HDAC4: variants seen among roughly 807,000 people sequenced by gnomAD.
HDAC4 encodes histone deacetylase A.
Under a neutral mutation model 135.1 loss-of-function variants are expected in HDAC4, and 16 were observed. The observed-to-expected ratio is 0.12, with a 90% CI of 0.08 to 0.18. The LOEUF is 0.18. Ranked by LOEUF, HDAC4 falls within the 10% of genes least tolerant of loss-of-function variation. The pLI, the probability that HDAC4 is intolerant of heterozygous loss-of-function variation, is 1.00. For missense variants in HDAC4, 1,143 were observed against 1,511.8 expected (o/e 0.76, Z 4.05); for synonymous variants, 685 against 653.4 (o/e 1.05, Z -0.74).
At chr2:239,239,256 G>T (rs1462801859) in intron 2 of HDAC4, among the ~76,000 whole-genome samples, 1 of 152,176 alleles carries the variant, frequency 6.6e-6, no homozygotes, top group East Asian at 1.9e-4. Flanking sequence ...CCCCTCTCAG[G>T]TTCTGTAATT....
chr2:239,074,226 C>A (rs758505903), intron 22 of HDAC4, among the ~76,000 whole-genome samples: 1 of 152,220 alleles, frequency 6.6e-6, no homozygotes, highest in Non-Finnish European at 1.5e-5. Context: ...CATTTCCAGC[C>A]ATGCTTTTGG....
chr2:239,376,750 A>G (rs1695039034), intron 1 of HDAC4, among the ~76,000 whole-genome samples: 2 of 151,786 alleles, frequency 1.3e-5, no homozygotes. Context: ...ACAGTGCTCA[A>G]CAGAACACGC....
chr2:239,307,975 TC>T lies in HDAC4; in HGVS notation c.22+44702del, dbSNP rs1005814987. ...AGCAACAGCCAGCAAAGTGTCCCCA[TC>T]CCCCCCAAAGTGAGCGGCCACACAG... On this transcript the variant is annotated intron_variant, in intron 2 of 26. Transcript: ENST00000543185. The surrounding 1 kb of genome is among the most constrained non-coding windows in gnomAD (Gnocchi z 4.8). Among the ~76,000 whole-genome samples, 4 of 151,212 alleles carry T rather than the reference TC, an allele frequency of 2.6e-5. No individual in the cohort carries two copies. Among genetic ancestry groups the T allele is most frequent in the Admixed American group, 2.0e-4 (3 of 15,220 alleles).
intron 2 of HDAC4, among the ~76,000 whole-genome samples, chr2:239,272,946 G>C (rs772322731): frequency 6.6e-6 from 1 of 152,176 alleles, no homozygotes; most frequent in East Asian, 1.9e-4. Flanking sequence ...AGTTGCCCAC[G>C]ATGAGCGGCA....
intron 19 of HDAC4, chr2:239,085,941 T>C (rs1187042490): frequency 2.0e-5 from 3 of 147,616 alleles, no homozygotes; most frequent in Non-Finnish European, 4.5e-5. Context: ...AACACGCGGA[T>C]CTGACTATCT....
intron 3 of HDAC4, among the ~76,000 whole-genome samples, chr2:239,215,776 G>T (rs564180331): frequency 6.6e-6 from 1 of 152,142 alleles, no homozygotes. Context: ...CCTCTGCACC[G>T]GGCTCCCTGG....
chr2:239,339,698 C>T (rs1037557730), intron 2 of HDAC4, among the ~76,000 whole-genome samples: 3 of 152,224 alleles, frequency 2.0e-5, no homozygotes, highest in Non-Finnish European at 4.4e-5. Flanking sequence ...GCATTAAAAA[C>T]ACCATCTCCT....
intron 2 of HDAC4, among the ~76,000 whole-genome samples, chr2:239,346,583 TAAC>T (rs1364394781): frequency 1.6e-5 from 2 of 126,914 alleles, no homozygotes; most frequent in African/African-American, 6.2e-5. Context: ...ACACAGACCA[TAAC>T]ACACACACCT....
intron 4 of HDAC4, among the ~76,000 whole-genome samples, chr2:239,187,866 C>G (rs1316391240): frequency 6.6e-6 from 1 of 152,166 alleles, no homozygotes; most frequent in Non-Finnish European, 1.5e-5. Flanking sequence ...CACACGGCTG[C>G]TAGGTCGCTC....
At chr2:239,129,992 C>G (rs1278844371) in intron 11 of HDAC4, among the ~76,000 whole-genome samples, 1 of 152,186 alleles carries the variant, frequency 6.6e-6, no homozygotes, top group African/African-American at 2.4e-5. Flanking sequence ...CACTGGGATT[C>G]TGTTTAGGTG....
chr2:239,195,136 G>A (rs576858783), intron 3 of HDAC4, among the ~76,000 whole-genome samples: 2 of 152,206 alleles, frequency 1.3e-5, no homozygotes, highest in African/African-American at 2.4e-5. Context: ...GAATGCTGTC[G>A]CTGTTCTCAC....
intron 15 of HDAC4, among the ~76,000 whole-genome samples, chr2:239,103,590 A>G (rs1393000886): frequency 3.3e-5 from 5 of 152,254 alleles, no homozygotes; most frequent in Non-Finnish European, 7.3e-5. Context: ...TTAGGCCACC[A>G]CAGGATGAGT....
chr2:239,325,958 GA>G (rs1045079561), intron 2 of HDAC4, among the ~76,000 whole-genome samples: 2 of 150,198 alleles, frequency 1.3e-5, no homozygotes, highest in Non-Finnish European at 3.0e-5. Context: ...AGAGTGGGAT[GA>G]AAAAAAAATA....
intron 19 of HDAC4, 115 bp downstream of exon 19, chr2:239,087,444 G>A: frequency 9.9e-7 from 1 of 1,005,788 alleles, no homozygotes; most frequent in East Asian, 2.6e-5. Context: ...CACATCCTGG[G>A]TGGCCAGCAA....
At chr2:239,082,302 G>C in intron 20 of HDAC4, 81 bp from the exon 21 acceptor site, 1 of 1,563,730 alleles carries the variant, frequency 6.4e-7, no homozygotes, top group Non-Finnish European at 8.8e-7. Flanking sequence ...CCCAACCCCA[G>C]TTGTGCTTAG....
At chr2:239,320,656 T>C (rs1479105259) in intron 2 of HDAC4, among the ~76,000 whole-genome samples, 1 of 152,214 alleles carries the variant, frequency 6.6e-6, no homozygotes, top group African/African-American at 2.4e-5. Flanking sequence ...CTATAAAATT[T>C]TCTGAATCTT....
At chr2:239,179,757 C>A (rs2044021632) in intron 4 of HDAC4, among the ~76,000 whole-genome samples, 1 of 152,224 alleles carries the variant, frequency 6.6e-6, no homozygotes, top group Admixed American at 6.5e-5. Flanking sequence ...CAGAGTAGGG[C>A]CAGCAGGGAT....
At chr2:239,091,579 G>A (rs1167495546) in intron 17 of HDAC4, 2 of 152,104 alleles carry the variant, frequency 1.3e-5, no homozygotes, top group Admixed American at 6.5e-5. Flanking sequence ...CCAGGCCCTC[G>A]AGGGCTCCTG....
chr2:239,290,539 G>C (rs1049587388), intron 2 of HDAC4, among the ~76,000 whole-genome samples: 1 of 152,082 alleles, frequency 6.6e-6, no homozygotes, highest in African/African-American at 2.4e-5. Context: ...TCAATCTTTA[G>C]AAAAATCAAA....
Sources: allele counts gnomAD v4.1 joint callset (sites outside exome capture counted in the v4.1 genomes callset), GRCh38; gene constraint gnomAD v4.1.1; non-coding constraint Gnocchi (gnomAD v3.1); transcripts MANE v1.5; gene names NCBI Gene and HGNC (gene_info 2026-07-23, HGNC 2026-07-21).